RIMBP2: variants seen among roughly 807,000 people sequenced by gnomAD.
RIMBP2 encodes RIMS-binding protein 2.
Under a neutral mutation model 118.6 loss-of-function variants are expected in RIMBP2, and 48 were observed. The observed-to-expected ratio is 0.40, with a 90% CI of 0.32 to 0.51. The LOEUF is 0.51. RIMBP2 is among the 20% of genes least tolerant of loss of function. RIMBP2 has a pLI of 0.41. For synonymous variants in RIMBP2, 762 were observed against 742.9 expected, an observed-to-expected ratio of 1.03 and a Z score of -0.42; for missense variants, 1,551 against 1,768.3, an observed-to-expected ratio of 0.88 and a Z score of 2.20.
intron 2 of RIMBP2, among the ~76,000 whole-genome samples, chr12:130,604,117 G>A (rs1001484608): frequency 2.6e-5 from 4 of 152,054 alleles, no homozygotes; most frequent in Non-Finnish European, 4.4e-5. Context: ...CCAGGCTAAT[G>A]TGTGCGTTTG....
chr12:130,486,210 C>G (rs937719591), intron 4 of RIMBP2, among the ~76,000 whole-genome samples: 4 of 152,160 alleles, frequency 2.6e-5, no homozygotes, highest in Non-Finnish European at 5.9e-5. Flanking sequence ...CCCATGGCCA[C>G]TTTCGTGCCC....
At chr12:130,610,888 T>TC (rs1202990306) in intron 2 of RIMBP2, among the ~76,000 whole-genome samples, 1 of 151,860 alleles carries the variant, frequency 6.6e-6, no homozygotes, top group East Asian at 1.9e-4. Flanking sequence ...CACTGTCACC[T>TC]CCCCCCAGTA....
rs1254734216 is a variant in RIMBP2, at chr12:130,578,564, T to C, written c.-217+49758A>G. On this transcript the variant is annotated intron_variant, in intron 2 of 22. Coordinates refer to ENST00000690449, the MANE Select transcript of RIMBP2 (RefSeq NM_001393629.1). The surrounding 1 kb of genome is among the most constrained non-coding windows in gnomAD (Gnocchi z 4.1). The stretch of plus-strand genomic sequence containing the variant: ...TGTTTCTCGATCATAGCAAACTTGC[T>C]CCAGCCTTGGGGCCTGTGCACTGTG... Among the ~76,000 whole-genome samples the C allele has an allele frequency of 6.6e-6, 1 of 152,208 alleles. No individual in the cohort carries two copies. The highest frequency in any genetic ancestry group is 2.4e-5 in the African/African-American group (1 of 41,446).
At position 130,470,362 on chromosome 12, in the gene RIMBP2, G is replaced by A. The variant is rs180828664; in HGVS notation, c.153+331C>T. The A allele has an allele frequency of 1.4e-4, 37 of 268,476 alleles. No homozygotes were observed. The East Asian group carries it at 2.3e-3, about 17-fold the overall frequency. The allele number at this position is 268,476 out of a possible 1,614,324, so 16.6% of individuals were successfully genotyped here. A position where few individuals can be genotyped will look rare whatever the true frequency, so the allele number is the denominator to read the frequency against. ...GGGAAATTAATTCACAAGCAAGCGA[G>A]TGAGCCACGCCCCCTCACTTTCCAC... On this transcript the variant is annotated intron_variant, in intron 6 of 22. Transcript: ENST00000690449.
At chr12:130,438,208 C>T (rs1176390948) in intron 12 of RIMBP2, among the ~76,000 whole-genome samples, 157 bp downstream of exon 12, 1 of 152,058 alleles carries the variant, frequency 6.6e-6, no homozygotes, top group African/African-American at 2.4e-5. Flanking sequence ...GGAAGGGGTC[C>T]TGGGGTTCAC....
At chr12:130,709,154 C>G (rs1469115055) in intron 1 of RIMBP2, among the ~76,000 whole-genome samples, 2 of 152,258 alleles carry the variant, frequency 1.3e-5, no homozygotes, top group Admixed American at 6.5e-5. Flanking sequence ...TTAATTCTCA[C>G]GATCCAGAAG....
At chr12:130,635,037 A>G (rs758219556) in intron 1 of RIMBP2, among the ~76,000 whole-genome samples, 77 of 152,214 alleles carry the variant, frequency 5.1e-4, no homozygotes, top group Non-Finnish European at 9.7e-4. Flanking sequence ...GCCAGGTGAC[A>G]CAGCCCAGCT....
chr12:130,455,824 C>T (rs761453612), intron 7 of RIMBP2, among the ~76,000 whole-genome samples: 2 of 152,118 alleles, frequency 1.3e-5, no homozygotes, highest in Non-Finnish European at 2.9e-5. Flanking sequence ...TGTCTAACCT[C>T]TGCATCCCAC....
At chr12:130,712,449 G>T (rs889215313) in intron 1 of RIMBP2, among the ~76,000 whole-genome samples, 11 of 151,920 alleles carry the variant, frequency 7.2e-5, no homozygotes, top group Admixed American at 6.6e-4. Flanking sequence ...AAACACACAC[G>T]TTCACCTAGG....
intron 1 of RIMBP2, among the ~76,000 whole-genome samples, chr12:130,671,182 G>A (rs182900857): frequency 2.6e-4 from 40 of 151,386 alleles, no homozygotes; most frequent in African/African-American, 9.8e-4. Flanking sequence ...TTGTGACCTT[G>A]AGGGGGCAAA....
chr12:130,466,995 C>G (rs55728351), intron 6 of RIMBP2, among the ~76,000 whole-genome samples: 10,828 of 152,284 alleles, frequency 0.071, 504 homozygotes, highest in Middle Eastern at 0.13. Context: ...TCTTCTCTAC[C>G]TATTGAAACC....
chr12:130,626,943 C>A (rs988548889), intron 2 of RIMBP2, among the ~76,000 whole-genome samples: 6 of 151,886 alleles, frequency 4.0e-5, no homozygotes, highest in Non-Finnish European at 8.8e-5. Context: ...TCACCATTAC[C>A]ACCATTATCA....
chr12:130,699,274 C>T (rs2065722100), intron 1 of RIMBP2, among the ~76,000 whole-genome samples: 2 of 152,274 alleles, frequency 1.3e-5, no homozygotes, highest in Admixed American at 1.3e-4. Context: ...AAGACACATG[C>T]ACACGTATGT....
At chr12:130,441,748 G>A (rs2078157549) in intron 11 of RIMBP2, 100 bp downstream of exon 11, 3 of 1,034,660 alleles carry the variant, frequency 2.9e-6, no homozygotes, top group Non-Finnish European at 1.4e-6. Context: ...TGTCAGGATG[G>A]GGATTCCTGC....
At chr12:130,692,555 CCT>C (rs1257373815) in intron 1 of RIMBP2, among the ~76,000 whole-genome samples, 2 of 151,876 alleles carry the variant, frequency 1.3e-5, no homozygotes, top group Non-Finnish European at 2.9e-5. Flanking sequence ...AGCCTCCTCC[CCT>C]CTTTCCTGAC....
At chr12:130,574,326 C>CCA (rs2057924689) in intron 2 of RIMBP2, among the ~76,000 whole-genome samples, 1 of 152,060 alleles carries the variant, frequency 6.6e-6, no homozygotes, top group East Asian at 1.9e-4. Flanking sequence ...GAGGGGGACA[C>CCA]CACACACATG....
Position 130,434,734 on chromosome 12 carries a change from C to A in RIMBP2, c.2253G>T (p.Gln751His). ...DFLKGSELGK[Q>H]PHCCHGDEYH... ...GGTGTGGGGCCCGGCCCGCTCTCAC[C>A]TGCTTGCCAAGTTCAGAGCCTTTCA... is the stretch of plus-strand genomic sequence containing the variant. The change falls in exon 14 of 23, where the codon CAG becomes CAT. Residue 751 changes from glutamine (Q) to histidine (H), a missense_variant and splice_region_variant. Gln to His is a conservative substitution (Grantham distance 24, BLOSUM62 0). Transcript: ENST00000690449. This position sits in a 1 kb window ranked among gnomAD's most constrained non-coding sequence, Gnocchi z 5.7. 1 of 1,612,492 alleles carries A rather than the reference C, an allele frequency of 6.2e-7. No individual in the cohort carries two copies. The highest frequency in any genetic ancestry group is 8.5e-7 in the Non-Finnish European group (1 of 1,179,764).
intron 1 of RIMBP2, among the ~76,000 whole-genome samples, chr12:130,642,624 A>G (rs2062674870): frequency 6.6e-6 from 1 of 152,168 alleles, no homozygotes; most frequent in South Asian, 2.1e-4. Flanking sequence ...GACTAGGAAT[A>G]ATAACCTTTA....
Position 130,401,067 on chromosome 12 carries a change from T to G in RIMBP2, c.3766-1254A>C, listed in dbSNP as rs535962388. On this transcript the variant is annotated intron_variant, in intron 21 of 22. Coordinates refer to ENST00000690449, the MANE Select transcript of RIMBP2 (RefSeq NM_001393629.1). ...CGGATGGTGGTGATTGTTTGCACAA[T>G]GTAAACATACTTAACACTACTGAAC... Among the ~76,000 whole-genome samples, 602 of 152,326 alleles carry G rather than the reference T, an allele frequency of 4.0e-3. 4 individuals carry two copies. The highest frequency in any genetic ancestry group is 0.014 in the African/African-American group (562 of 41,582).
Sources: gnomAD v4.1 joint callset for allele counts (sites outside exome capture counted in the v4.1 genomes callset) on GRCh38, gnomAD v4.1.1 for gene constraint, Gnocchi (gnomAD v3.1) non-coding constraint, MANE v1.5 for transcripts, NCBI Gene and HGNC (gene_info 2026-07-23, HGNC 2026-07-21) for gene names.